The following KMT2C variants were observed in gnomAD, a reference collection of about 807,000 sequenced individuals.
The protein encoded by KMT2C is histone-lysine N-methyltransferase 2C.
Under a neutral mutation model 507.9 loss-of-function variants are expected in KMT2C, and 88 were observed. The ratio of observed to expected loss-of-function variants is 0.17; its 90% CI spans 0.15 to 0.21. The LOEUF (loss-of-function observed/expected upper bound fraction) is 0.21. Ranked by LOEUF, KMT2C falls within the 10% of genes least tolerant of loss-of-function variation. The probability of loss-of-function intolerance (pLI) is 1.00; values close to 1 mark genes in which losing one functional copy is unlikely to be tolerated. For synonymous variants in KMT2C, 2,049 were observed against 2,080.8 expected, an observed-to-expected ratio of 0.98 and a Z score of 0.42; for missense variants, 4,954 against 5,957.8, an observed-to-expected ratio of 0.83 and a Z score of 5.55.
intron 9 of KMT2C, among the ~76,000 whole-genome samples, chr7:152,253,446 G>A (rs2095593976): frequency 6.8e-6 from 1 of 147,674 alleles, no homozygotes; most frequent in Non-Finnish European, 1.5e-5. Flanking sequence ...AGGCCAAGAT[G>A]GGAGGATCGC....
rs142711314 is a variant in KMT2C, at chr7:152,148,904, C to T, written c.13023G>A (p.Gly4341=). The change falls in exon 52 of 59, where the codon GGG becomes GGA. Residue 4341 remains glycine (G), a synonymous_variant. Transcript: ENST00000262189. The surrounding 1 kb of genome is among the most constrained non-coding windows in gnomAD (Gnocchi z 7.1). ...LKPRLRAVHG[G]FEDCRPLNKK... ...TATTGAGCGGCCTGCAATCTTCAAA[C>T]CCACCATGGACAGCTCTTAGCCGAG... is the stretch of plus-strand genomic sequence containing the variant. 144 of 1,614,038 alleles carry T rather than the reference C, an allele frequency of 8.9e-5. No homozygotes were observed. In the African/African-American group the frequency reaches 1.0e-3, roughly 11 times the overall value.
At chr7:152,189,075 G>T (rs1034595392) in intron 31 of KMT2C, among the ~76,000 whole-genome samples, 3 of 152,054 alleles carry the variant, frequency 2.0e-5, no homozygotes, top group Non-Finnish European at 4.4e-5. Context: ...TCTCATTCGA[G>T]CTTATTCACA....
chr7:152,305,218 T>G (rs2096605157), intron 6 of KMT2C, among the ~76,000 whole-genome samples: 1 of 152,110 alleles, frequency 6.6e-6, no homozygotes. Flanking sequence ...TAAGTAAGAT[T>G]ATTACGTGAA....
intron 1 of KMT2C, among the ~76,000 whole-genome samples, chr7:152,408,998 T>C (rs953160066): frequency 1.3e-5 from 2 of 151,974 alleles, no homozygotes; most frequent in African/African-American, 4.8e-5. Context: ...TCTCTCTCTT[T>C]TTTTTTTGAG....
At chr7:152,236,417 T>C (rs2095276075) in intron 15 of KMT2C, among the ~76,000 whole-genome samples, 1 of 152,218 alleles carries the variant, frequency 6.6e-6, no homozygotes, top group Admixed American at 6.5e-5. Context: ...TAGGTTTTAT[T>C]ATCCCCATTT....
intron 18 of KMT2C, among the ~76,000 whole-genome samples, chr7:152,226,315 C>T (rs1240003225): frequency 2.0e-5 from 3 of 146,374 alleles, no homozygotes; most frequent in East Asian, 4.1e-4. Flanking sequence ...TCACTAAAAC[C>T]TCCGCCTCCC....
intron 2 of KMT2C, among the ~76,000 whole-genome samples, chr7:152,336,114 G>C (rs2096932838): frequency 6.6e-6 from 1 of 152,002 alleles, no homozygotes; most frequent in African/African-American, 2.4e-5. Context: ...TTTTGGTTTA[G>C]ATTTTGTTGT....
intron 31 of KMT2C, among the ~76,000 whole-genome samples, chr7:152,191,496 T>G (rs751009203): frequency 4.6e-5 from 7 of 152,228 alleles, no homozygotes; most frequent in Non-Finnish European, 2.9e-5. Context: ...CACGGAAGTA[T>G]CTTTACATGG....
intron 9 of KMT2C, among the ~76,000 whole-genome samples, chr7:152,253,609 G>A (rs185744939): frequency 1.3e-5 from 2 of 150,874 alleles, no homozygotes; most frequent in African/African-American, 4.9e-5. Context: ...CAGGAGAATT[G>A]CTTGAGCCTA....
intron 2 of KMT2C, among the ~76,000 whole-genome samples, chr7:152,343,448 G>C (rs2097018664): frequency 7.9e-6 from 1 of 126,916 alleles, no homozygotes; most frequent in African/African-American, 3.2e-5. Context: ...GAAAAAGACT[G>C]GGAAAAAAAA....
intron 1 of KMT2C, among the ~76,000 whole-genome samples, chr7:152,383,709 C>G (rs2097395260): frequency 6.6e-6 from 1 of 152,094 alleles, no homozygotes; most frequent in Non-Finnish European, 1.5e-5. Flanking sequence ...ACATTTATTA[C>G]CTTAAGCAAG....
chr7:152,257,751 G>A (rs1588650129), intron 9 of KMT2C, among the ~76,000 whole-genome samples: 1 of 152,042 alleles, frequency 6.6e-6, no homozygotes, highest in South Asian at 2.1e-4. Context: ...TACGTTAAGT[G>A]TAGGGGTGTT....
chr7:152,196,793 G>C (rs1261986906), intron 27 of KMT2C, among the ~76,000 whole-genome samples: 6 of 152,346 alleles, frequency 3.9e-5, no homozygotes, highest in East Asian at 1.9e-4. Flanking sequence ...GAGGGAGTAA[G>C]TTATATGCAC....
At chr7:152,315,878 A>G (rs1298222874) in intron 3 of KMT2C, among the ~76,000 whole-genome samples, 2 of 152,040 alleles carry the variant, frequency 1.3e-5, no homozygotes, top group Non-Finnish European at 2.9e-5. Context: ...GAACCACTGC[A>G]CTCCAGCCTG....
At chr7:152,213,177 A>C (rs1039686593) in intron 23 of KMT2C, among the ~76,000 whole-genome samples, 2 of 152,246 alleles carry the variant, frequency 1.3e-5, no homozygotes, top group African/African-American at 4.8e-5. Flanking sequence ...TCCCTATCAA[A>C]TTTCCAAAGG....
At chr7:152,234,475 T>A (rs1412920576) in intron 16 of KMT2C, among the ~76,000 whole-genome samples, 3 of 151,978 alleles carry the variant, frequency 2.0e-5, no homozygotes, top group Non-Finnish European at 4.4e-5. Flanking sequence ...AATTAACGTA[T>A]AATATAAGAA....
chr7:152,341,407 C>T (rs2096990389), intron 2 of KMT2C, among the ~76,000 whole-genome samples: 2 of 152,190 alleles, frequency 1.3e-5, no homozygotes, highest in African/African-American at 2.4e-5. Context: ...GTCTTTGCTT[C>T]ACCATCTCTT....
At position 152,203,006 on chromosome 7, in the gene KMT2C, G is replaced by A. The variant is rs760642800; in HGVS notation, c.4020C>T (p.Ser1340=). ...LVDESVSVTE[S]TEKIKKRYRK... ...GGTATCTCTTCTTTATTTTTTCAGT[G>A]CTTTCAGTAACAGAAACAGATTCAT... The change falls in exon 26 of 59, where the codon AGC becomes AGT. Residue 1340 remains serine (S), a synonymous_variant. Coordinates refer to ENST00000262189, the MANE Select transcript of KMT2C (RefSeq NM_170606.3). 4.4e-6 allele frequency: 7 copies of A among 1,608,590 alleles called. No individual in the cohort carries two copies. In the South Asian group the frequency reaches 6.6e-5, roughly 15 times the overall value.
intron 14 of KMT2C, among the ~76,000 whole-genome samples, chr7:152,245,073 T>C (rs1227008749): frequency 2.6e-5 from 4 of 152,254 alleles, no homozygotes; most frequent in Non-Finnish European, 5.9e-5. Flanking sequence ...TTGGATTATA[T>C]ATTTAAAACT....
Sources: gnomAD v4.1 joint callset for allele counts (sites outside exome capture counted in the v4.1 genomes callset) on GRCh38, gnomAD v4.1.1 for gene constraint, Gnocchi (gnomAD v3.1) non-coding constraint, MANE v1.5 for transcripts, NCBI Gene and HGNC (gene_info 2026-07-23, HGNC 2026-07-21) for gene names.